The following GABRG3 variants were observed in gnomAD, a reference collection of about 807,000 sequenced individuals.
GABRG3 encodes gamma-aminobutyric acid type A receptor subunit gamma3.
A neutral mutation model predicts 48.8 loss-of-function variants in GABRG3; 25 were observed. The ratio of observed to expected loss-of-function variants is 0.51; its 90% confidence interval spans 0.37 to 0.72. The LOEUF (loss-of-function observed/expected upper bound fraction) is 0.72. GABRG3 is among the 30% of genes least tolerant of loss of function. GABRG3 has a pLI of 0.00. For synonymous variants in GABRG3, 227 were observed against 217.6 expected (o/e 1.04, Z -0.38); for missense variants, 394 against 577.9 (o/e 0.68, Z 3.26).
At chr15:27,136,510 T>C (rs1898010214) in intron 3 of GABRG3, among the ~76,000 whole-genome samples, 1 of 152,094 alleles carries the variant, frequency 6.6e-6, no homozygotes, top group African/African-American at 2.4e-5. Flanking sequence ...CCAGCTTCTG[T>C]TTAAAAGTGT....
intron 5 of GABRG3, among the ~76,000 whole-genome samples, chr15:27,421,971 C>CTGCA (rs1219203370): frequency 6.6e-6 from 1 of 151,280 alleles, no homozygotes; most frequent in African/African-American, 2.4e-5. Context: ...TGGGAGTGGG[C>CTGCA]TGCATATCCA....
At chr15:27,065,487 G>T (rs1595502719) in intron 3 of GABRG3, among the ~76,000 whole-genome samples, 1 of 152,098 alleles carries the variant, frequency 6.6e-6, no homozygotes, top group East Asian at 1.9e-4. Context: ...TCTCTCCCTT[G>T]GTCCCCGGAG....
At position 27,447,162 on chromosome 15, in the gene GABRG3, A is replaced by T. The variant is rs1234439628; in HGVS notation, c.575-33488A>T. On this transcript the variant is annotated intron_variant, in intron 5 of 9. Transcript: ENST00000615808. The surrounding 1 kb of genome is among the most constrained non-coding windows in gnomAD (Gnocchi z 4.0). ...CACAGAGGACGGAACAACTAATTCTATGTGGAGGAGTAAGGCAAGGCTTGG... is the reference window on the plus strand; with the variant it reads ...CACAGAGGACGGAACAACTAATTCTTTGTGGAGGAGTAAGGCAAGGCTTGG... 6.6e-6 allele frequency among the ~76,000 whole-genome samples: 1 copy of T among 152,178 alleles called. No individual in the cohort carries two copies. The highest frequency in any genetic ancestry group is 1.9e-4 in the East Asian group (1 of 5,186).
At chr15:27,495,896 G>T (rs1025985019) in intron 6 of GABRG3, among the ~76,000 whole-genome samples, 37 of 152,266 alleles carry the variant, frequency 2.4e-4, no homozygotes, top group African/African-American at 7.9e-4. Flanking sequence ...TGGACATTTT[G>T]GATGTTTTAC....
In GABRG3 at chr15:27,132,471, G is replaced by GGTTTTTTTTTTTTTTTTTTTTTTTTT. The variant is rs778222775; in HGVS notation, c.270+105650_270+105651insGTTTTTTTTTTTTTTTTTTTTTTTTT. On this transcript the variant is annotated intron_variant, in intron 3 of 9. Coordinates refer to ENST00000615808, the MANE Select transcript of GABRG3 (RefSeq NM_033223.5). ...TGATTCAATCTTCCCAGTAGTTACAGTTTTTTTTTTTTTTTTTTTTTTTTT... is the reference window on the plus strand; with the variant it reads ...TGATTCAATCTTCCCAGTAGTTACAGGTTTTTTTTTTTTTTTTTTTTTTTTTTTTTTTTTTTTTTTTTTTTTTTTTT... 5.1e-5 allele frequency among the ~76,000 whole-genome samples: 2 copies of GGTTTTTTTTTTTTTTTTTTTTTTTTT among 39,594 alleles called. 1 individual carries two copies. The highest frequency in any genetic ancestry group is 9.5e-5 in the Non-Finnish European group (2 of 21,018). 26.0% of individuals were successfully genotyped at this position (39,594 alleles called of 152,430 possible). A position where few individuals can be genotyped will look rare whatever the true frequency, so the allele number is the denominator to read the frequency against.
At chr15:27,063,828 C>G (rs1896692633) in intron 3 of GABRG3, among the ~76,000 whole-genome samples, 1 of 152,146 alleles carries the variant, frequency 6.6e-6, no homozygotes, top group Non-Finnish European at 1.5e-5. Flanking sequence ...TCAGAATGAG[C>G]AACACAAGCT....
Position 27,073,309 on chromosome 15 carries a change from A to G in GABRG3, c.270+46488A>G, listed in dbSNP as rs989867266. Among the ~76,000 whole-genome samples the G allele has an allele frequency of 5.9e-5, 9 of 152,224 alleles. 1 individual carries two copies. The highest frequency in any genetic ancestry group is 5.9e-4 in the Admixed American group (9 of 15,288). On this transcript the variant is annotated intron_variant, in intron 3 of 9. Transcript: ENST00000615808. ...CCCTGGTGCTGGCTGTACTTCTGCA[A>G]GGTCTTTCTTGTCCATGGTCCTCCA...
intron 2 of GABRG3, among the ~76,000 whole-genome samples, chr15:26,996,009 G>A (rs1225425940): frequency 6.6e-6 from 1 of 151,846 alleles, no homozygotes; most frequent in East Asian, 1.9e-4. Context: ...TATTAAATAT[G>A]TTGCTTGTCT....
intron 3 of GABRG3, among the ~76,000 whole-genome samples, chr15:27,161,902 A>G (rs1287259454): frequency 6.6e-6 from 1 of 152,198 alleles, no homozygotes; most frequent in Non-Finnish European, 1.5e-5. Context: ...TGCAGCTGCC[A>G]TTATTGTGTG....
chr15:27,481,275 G>T (rs1172359092), intron 6 of GABRG3: 1 of 939,054 alleles, frequency 1.1e-6, no homozygotes, highest in Non-Finnish European at 1.3e-6. Flanking sequence ...ATTTTATGAA[G>T]TGATCATTAT....
chr15:27,343,753 CAAAGA>C (rs1481310306), intron 5 of GABRG3, among the ~76,000 whole-genome samples: 1 of 152,044 alleles, frequency 6.6e-6, no homozygotes, highest in African/African-American at 2.4e-5. Flanking sequence ...AGCCGTGTCT[CAAAGA>C]AAAGGAAACA....
At chr15:27,473,899 G>A (rs1205151440) in intron 5 of GABRG3, among the ~76,000 whole-genome samples, 2 of 152,216 alleles carry the variant, frequency 1.3e-5, no homozygotes, top group Admixed American at 6.5e-5. Flanking sequence ...GTATATGTAA[G>A]GGTTAAACTC....
At chr15:27,486,740 A>G (rs1233086944) in intron 6 of GABRG3, among the ~76,000 whole-genome samples, 1 of 152,168 alleles carries the variant, frequency 6.6e-6, no homozygotes, top group Non-Finnish European at 1.5e-5. Context: ...AATTTAGGTG[A>G]ATCAACACAT....
chr15:27,349,450 A>G (rs1894483643), intron 5 of GABRG3, among the ~76,000 whole-genome samples: 1 of 152,146 alleles, frequency 6.6e-6, no homozygotes, highest in South Asian at 2.1e-4. Flanking sequence ...CTTCGAAGAG[A>G]CACTCTTCTA....
chr15:27,460,742 G>A (rs1271718734), intron 5 of GABRG3, among the ~76,000 whole-genome samples: 1 of 152,236 alleles, frequency 6.6e-6, no homozygotes, highest in African/African-American at 2.4e-5. Context: ...GATCTGGCCC[G>A]AGGACATGAC....
At chr15:27,454,643 C>A (rs954373017) in intron 5 of GABRG3, among the ~76,000 whole-genome samples, 1 of 152,176 alleles carries the variant, frequency 6.6e-6, no homozygotes, top group African/African-American at 2.4e-5. Context: ...ACCCACACAT[C>A]ACATTTTGTT....
chr15:27,410,517 A>G (rs944081030), intron 5 of GABRG3, among the ~76,000 whole-genome samples: 2 of 152,198 alleles, frequency 1.3e-5, no homozygotes, highest in Non-Finnish European at 2.9e-5. Flanking sequence ...CTTCTTTTCC[A>G]GAAGGTTTAA....
chr15:27,315,729 GATAC>G (rs1472725645), intron 3 of GABRG3, among the ~76,000 whole-genome samples: 1 of 152,116 alleles, frequency 6.6e-6, no homozygotes, highest in African/African-American at 2.4e-5. Flanking sequence ...ATTTTTATAA[GATAC>G]ATTCATTATA....
At position 27,474,967 on chromosome 15, in the gene GABRG3, T is replaced by C. The variant is rs151046313; in HGVS notation, c.575-5683T>C. 4.8e-3 allele frequency among the ~76,000 whole-genome samples: 723 copies of C among 152,138 alleles called. 6 individuals carry two copies. Among genetic ancestry groups the C allele is most frequent in the African/African-American group, 0.016 (678 of 41,482 alleles). ...CAACATGGTGAAACCCCATCTCTAC[T>C]GAAAATACAAACATTAGCTGGGCAT... On this transcript the variant is annotated intron_variant, in intron 5 of 9. Transcript: ENST00000615808.
Sources: gnomAD v4.1 joint callset for allele counts (sites outside exome capture counted in the v4.1 genomes callset) on GRCh38, gnomAD v4.1.1 for gene constraint, Gnocchi (gnomAD v3.1) non-coding constraint, MANE v1.5 for transcripts, NCBI Gene and HGNC (gene_info 2026-07-23, HGNC 2026-07-21) for gene names.